Variants in EPHA6 observed in about 807,000 individuals in gnomAD.
EPHA6 encodes the protein EPH receptor A6.
In EPHA6, 50 loss-of-function variants were observed where a neutral mutation model predicts 112.0. The observed-to-expected ratio is 0.45, with a 90% confidence interval of 0.36 to 0.56. The LOEUF (loss-of-function observed/expected upper bound fraction) is 0.56. EPHA6 is among the 20% of genes least tolerant of loss of function. The probability of loss-of-function intolerance (pLI) is 0.00; values close to 1 mark genes in which losing one functional copy is unlikely to be tolerated. For synonymous variants in EPHA6, 529 were observed against 490.7 expected, an observed-to-expected ratio of 1.08 and a Z score of -1.03; for missense variants, 1,280 against 1,417.4, an observed-to-expected ratio of 0.90 and a Z score of 1.56.
chr3:96,938,471 T>A (rs139563188), intron 2 of EPHA6, among the ~76,000 whole-genome samples: 3,777 of 152,246 alleles, frequency 0.025, 157 homozygotes, highest in African/African-American at 0.084. Flanking sequence ...ATCCTGAGAC[T>A]TTGCTGATGT....
At chr3:97,048,793 T>C (rs936000640) in intron 3 of EPHA6, among the ~76,000 whole-genome samples, 1 of 151,988 alleles carries the variant, frequency 6.6e-6, no homozygotes, top group Non-Finnish European at 1.5e-5. Context: ...GAGAGAAAGA[T>C]AATTAACAAA....
chr3:96,974,220 A>T (rs2107793916), intron 2 of EPHA6, among the ~76,000 whole-genome samples: 1 of 147,382 alleles, frequency 6.8e-6, no homozygotes, highest in South Asian at 2.1e-4. Context: ...TTAATTATTG[A>T]TATATTATTA....
At chr3:97,584,654 C>G (rs188484927) in intron 11 of EPHA6, among the ~76,000 whole-genome samples, 1 of 152,112 alleles carries the variant, frequency 6.6e-6, no homozygotes, top group East Asian at 1.9e-4. Context: ...TAAGTTCTCT[C>G]CAGCTATGTC....
At chr3:97,428,853 A>G (rs1044877403) in intron 6 of EPHA6, among the ~76,000 whole-genome samples, 1 of 152,098 alleles carries the variant, frequency 6.6e-6, no homozygotes, top group African/African-American at 2.4e-5. Flanking sequence ...GGACTCCTAA[A>G]TGCCTGGCCA....
intron 3 of EPHA6, among the ~76,000 whole-genome samples, chr3:97,159,032 T>G (rs2076353805): frequency 6.6e-6 from 1 of 152,144 alleles, no homozygotes; most frequent in South Asian, 2.1e-4. Context: ...GGTCCCAAAA[T>G]TTAGTTTCCT....
rs1268398326 is a variant in EPHA6 at position 96,912,227 on chromosome 3, G to A, written c.450+45338G>A. Among the ~76,000 whole-genome samples the A allele has an allele frequency of 2.6e-5, 4 of 151,992 alleles. No individual in the cohort carries two copies. In the East Asian group the frequency reaches 7.7e-4, roughly 29 times the overall value. The stretch of plus-strand genomic sequence containing the variant: ...TATAAATATATAATGTAACCATTTT[G>A]TAATGCTGTAAATGTGGTCGAATTT... On this transcript the variant is annotated intron_variant, in intron 2 of 17. Coordinates refer to ENST00000389672, the MANE Select transcript of EPHA6 (RefSeq NM_001080448.3).
At chr3:96,882,506 T>C (rs1295057327) in intron 2 of EPHA6, among the ~76,000 whole-genome samples, 1 of 152,056 alleles carries the variant, frequency 6.6e-6, no homozygotes, top group African/African-American at 2.4e-5. Context: ...TTCCCACCTC[T>C]CACCACTCCC....
At chr3:97,140,151 T>G (rs898090354) in intron 3 of EPHA6, among the ~76,000 whole-genome samples, 2 of 151,498 alleles carry the variant, frequency 1.3e-5, no homozygotes, top group African/African-American at 4.8e-5. Context: ...AGATAAAAAT[T>G]AGAAAAAAAT....
At chr3:97,143,825 T>C (rs900420313) in intron 3 of EPHA6, among the ~76,000 whole-genome samples, 2 of 151,636 alleles carry the variant, frequency 1.3e-5, no homozygotes, top group Non-Finnish European at 3.0e-5. Context: ...AATGGTCTTT[T>C]AGGAGGAATA....
At chr3:97,165,171 G>T (rs2076510653) in intron 3 of EPHA6, among the ~76,000 whole-genome samples, 1 of 152,052 alleles carries the variant, frequency 6.6e-6, no homozygotes, top group African/African-American at 2.4e-5. Context: ...TGCTTGTGCT[G>T]TCATCCCTGA....
intron 1 of EPHA6, among the ~76,000 whole-genome samples, chr3:96,829,866 A>G (rs1004450975): frequency 1.3e-5 from 2 of 151,650 alleles, no homozygotes; most frequent in East Asian, 3.9e-4. Context: ...CTATTACTGT[A>G]GTTCTTATAA....
intron 2 of EPHA6, among the ~76,000 whole-genome samples, chr3:96,911,392 T>C (rs1047290272): frequency 3.9e-5 from 6 of 152,078 alleles, no homozygotes; most frequent in Non-Finnish European, 8.8e-5. Context: ...ATGTTTTTAT[T>C]GTGGAAAGCT....
chr3:97,075,460 G>A (rs989273758), intron 3 of EPHA6, among the ~76,000 whole-genome samples: 1 of 151,872 alleles, frequency 6.6e-6, no homozygotes, highest in Non-Finnish European at 1.5e-5. Flanking sequence ...ATAATGATAT[G>A]TTTAGCTTCT....
intron 5 of EPHA6, among the ~76,000 whole-genome samples, chr3:97,254,082 T>A (rs2079227232): frequency 6.6e-6 from 1 of 152,118 alleles, no homozygotes; most frequent in African/African-American, 2.4e-5. Flanking sequence ...TCTGCTGGTT[T>A]TTTTTAGCTG....
chr3:96,896,570 A>G (rs1229940126), intron 2 of EPHA6, among the ~76,000 whole-genome samples: 2 of 152,200 alleles, frequency 1.3e-5, no homozygotes, highest in African/African-American at 2.4e-5. Flanking sequence ...AAGTCTCAGC[A>G]AGCCTGTGGC....
chr3:97,118,539 G>C (rs1285906942), intron 3 of EPHA6, among the ~76,000 whole-genome samples: 1 of 151,602 alleles, frequency 6.6e-6, no homozygotes, highest in Non-Finnish European at 1.5e-5. Flanking sequence ...CTCTTGCCTA[G>C]TCTTAACACA....
chr3:97,357,815 C>T (rs6788277), intron 5 of EPHA6, among the ~76,000 whole-genome samples: 3,818 of 152,098 alleles, frequency 0.025, 148 homozygotes, highest in African/African-American at 0.085. Context: ...CTAGAGAAAA[C>T]AAAATGCTAT....
At chr3:97,137,153 T>TG (rs1278628994) in intron 3 of EPHA6, among the ~76,000 whole-genome samples, 1 of 152,064 alleles carries the variant, frequency 6.6e-6, no homozygotes, top group Non-Finnish European at 1.5e-5. Flanking sequence ...ATAAATTCAG[T>TG]GGGGGGACAG....
At position 97,760,956 on chromosome 3, in the gene EPHA6, G is replaced by C. The variant is rs2036149701; in HGVS notation, c.*12255G>C. The C allele has an allele frequency of 5.0e-6, 1 of 200,862 alleles. No homozygotes were observed. Among genetic ancestry groups the C allele is most frequent in the Non-Finnish European group, 1.0e-5 (1 of 97,562 alleles). The allele number at this position is 200,862 out of a possible 1,614,324, so 12.4% of individuals were successfully genotyped here. ...TTATCTATGAGAATAGGGAAGTATAGCACTGTTTTATGTTTTTCTCTTTAG... is the reference window on the plus strand; with the variant it reads ...TTATCTATGAGAATAGGGAAGTATACCACTGTTTTATGTTTTTCTCTTTAG... On this transcript the variant is annotated 3_prime_UTR_variant, in exon 18 of 18. Coordinates refer to ENST00000389672, the MANE Select transcript of EPHA6 (RefSeq NM_001080448.3).
Sources: gnomAD v4.1 joint callset for allele counts (sites outside exome capture counted in the v4.1 genomes callset) on GRCh38, gnomAD v4.1.1 for gene constraint, MANE v1.5 for transcripts, NCBI Gene and HGNC (gene_info 2026-07-23, HGNC 2026-07-21) for gene names.